Variants in SLC4A10 observed in about 807,000 individuals in gnomAD.
The protein encoded by SLC4A10 is sodium-driven chloride bicarbonate exchanger.
SLC4A10 carries 42 observed loss-of-function variants against 137.7 expected under a neutral mutation model. The ratio of observed to expected loss-of-function variants is 0.30; its 90% confidence interval spans 0.24 to 0.39. SLC4A10 has a LOEUF of 0.39. SLC4A10 is among the 10% of genes least tolerant of loss of function. The pLI is 1.00. For synonymous variants in SLC4A10, 474 were observed against 464.1 expected (o/e 1.02, Z -0.27); for missense variants, 925 against 1,355.0 (o/e 0.68, Z 4.98).
intron 6 of SLC4A10, among the ~76,000 whole-genome samples, chr2:161,863,788 A>G (rs1395037873): frequency 1.3e-5 from 2 of 152,340 alleles, no homozygotes; most frequent in East Asian, 3.9e-4. Flanking sequence ...CATCATTTGC[A>G]ATAAGGAAGT....
At chr2:161,919,544 T>C (rs186130595) in intron 15 of SLC4A10, among the ~76,000 whole-genome samples, 2 of 152,214 alleles carry the variant, frequency 1.3e-5, no homozygotes, top group East Asian at 3.9e-4. Context: ...GCAGCTACCC[T>C]CACTGGTCTC....
intron 15 of SLC4A10, among the ~76,000 whole-genome samples, chr2:161,916,417 G>A (rs1575625044): frequency 6.6e-6 from 1 of 152,240 alleles, no homozygotes; most frequent in South Asian, 2.1e-4. Flanking sequence ...CTCTTGTCTA[G>A]ATTATTGCAA....
chr2:161,624,433 A>G lies in SLC4A10; in HGVS notation c.-86A>G. ...CCTGCTTCAGAGCTACCTGATCCGA[A>G]TACTAAGCAGAGCGAGTGCCGGGCT... On this transcript the variant is annotated 5_prime_UTR_variant, in exon 1 of 27. Coordinates refer to ENST00000446997, the MANE Select transcript of SLC4A10 (RefSeq NM_001178015.2). 3 of 1,546,962 alleles carry G rather than the reference A, an allele frequency of 1.9e-6. No homozygotes were observed. The highest frequency in any genetic ancestry group is 2.6e-6 in the Non-Finnish European group (3 of 1,144,094).
intron 4 of SLC4A10, among the ~76,000 whole-genome samples, chr2:161,844,479 C>T (rs2059374982): frequency 6.6e-6 from 1 of 152,076 alleles, no homozygotes; most frequent in South Asian, 2.1e-4. Context: ...CCATGTCCCC[C>T]AACTATCCTA....
In SLC4A10 at chr2:161,882,382, C is replaced by T. The variant is rs780200992; in HGVS notation, c.1132C>T (p.Leu378=). The T allele has an allele frequency of 8.2e-6, 13 of 1,589,354 alleles. No individual in the cohort carries two copies. Among genetic ancestry groups the T allele is most frequent in the Non-Finnish European group, 1.1e-5 (13 of 1,167,478 alleles). Residue 378 remains leucine, a synonymous_variant, in exon 10 of 27, where the codon CTG becomes TTG. Coordinates refer to ENST00000446997, the MANE Select transcript of SLC4A10 (RefSeq NM_001178015.2). ...TRFLFILLGP[L]GKGQQYHEIG... is the part of the protein sequence containing the mutation. ...ATTTTTGTTCATTCTTCTGGGACCCCTGGGAAAGGGTCAACAGTACCATGA... is the reference window on the plus strand; with the variant it reads ...ATTTTTGTTCATTCTTCTGGGACCCTTGGGAAAGGGTCAACAGTACCATGA...
chr2:161,976,629 T>C, intron 24 of SLC4A10, 131 bp from the exon 25 acceptor site: 1 of 499,864 alleles, frequency 2.0e-6, no homozygotes, highest in South Asian at 4.5e-5. Flanking sequence ...ATGTGTATTT[T>C]ACCACAATTT....
intron 1 of SLC4A10, among the ~76,000 whole-genome samples, chr2:161,703,093 C>G (rs1352916152): frequency 6.6e-5 from 10 of 151,468 alleles, no homozygotes; most frequent in African/African-American, 2.4e-4. Context: ...TAGATATAAC[C>G]CTTCTGGAGG....
At position 161,697,898 on chromosome 2, in the gene SLC4A10, C is replaced by T. The variant is rs530377188; in HGVS notation, c.49-73075C>T. On this transcript the variant is annotated intron_variant, in intron 1 of 26. Coordinates refer to ENST00000446997, the MANE Select transcript of SLC4A10 (RefSeq NM_001178015.2). ...ATTAAATCTATAAATTACCTTGGGC[C>T]GTATGGCCGTTTTCACAATATTGAT... 7.9e-5 allele frequency among the ~76,000 whole-genome samples: 12 copies of T among 152,244 alleles called. No homozygotes were observed. In the South Asian group the frequency reaches 1.2e-3, roughly 16 times the overall value.
chr2:161,891,814 T>C (rs976079310), intron 10 of SLC4A10, among the ~76,000 whole-genome samples: 1 of 152,058 alleles, frequency 6.6e-6, no homozygotes, highest in South Asian at 2.1e-4. Flanking sequence ...GTCAAACTCA[T>C]TCTCCATCCA....
At chr2:161,794,554 A>G (rs998985149) in intron 2 of SLC4A10, among the ~76,000 whole-genome samples, 2 of 152,128 alleles carry the variant, frequency 1.3e-5, no homozygotes, top group Admixed American at 6.5e-5. Flanking sequence ...GACACACTGA[A>G]GAAGATGGAT....
intron 3 of SLC4A10, among the ~76,000 whole-genome samples, chr2:161,833,873 C>T (rs928990077): frequency 6.6e-5 from 10 of 152,212 alleles, no homozygotes; most frequent in Non-Finnish European, 1.3e-4. Context: ...GTTTCCAACT[C>T]TGCCTCTCTC....
At chr2:161,730,014 A>G (rs1480168402) in intron 1 of SLC4A10, among the ~76,000 whole-genome samples, 1 of 152,214 alleles carries the variant, frequency 6.6e-6, no homozygotes, top group Non-Finnish European at 1.5e-5. Context: ...TGCAAACCCA[A>G]ACAGGCTAAA....
chr2:161,646,861 G>T (rs1406328117), intron 1 of SLC4A10, among the ~76,000 whole-genome samples: 2 of 151,956 alleles, frequency 1.3e-5, no homozygotes, highest in Non-Finnish European at 2.9e-5. Flanking sequence ...TTTCACATTT[G>T]TTGAAATCCT....
At chr2:161,800,883 G>A (rs966705262) in intron 2 of SLC4A10, among the ~76,000 whole-genome samples, 1 of 152,030 alleles carries the variant, frequency 6.6e-6, no homozygotes, top group African/African-American at 2.4e-5. Context: ...ACCAGAGGTC[G>A]CAGGAACAAG....
chr2:161,967,785 C>G (rs1311517566), intron 23 of SLC4A10, among the ~76,000 whole-genome samples: 1 of 152,026 alleles, frequency 6.6e-6, no homozygotes, highest in African/African-American at 2.4e-5. Flanking sequence ...GAATTTAACT[C>G]TTGTTTATAT....
At chr2:161,956,776 A>G (rs1695742712) in intron 19 of SLC4A10, among the ~76,000 whole-genome samples, 1 of 152,238 alleles carries the variant, frequency 6.6e-6, no homozygotes, top group African/African-American at 2.4e-5. Flanking sequence ...AGGGGAGCTT[A>G]GGCTCCATGA....
chr2:161,756,545 C>G (rs1034064786), intron 1 of SLC4A10, among the ~76,000 whole-genome samples: 1 of 152,190 alleles, frequency 6.6e-6, no homozygotes, highest in Non-Finnish European at 1.5e-5. Flanking sequence ...CTGTTCCACA[C>G]AGTCACTCAG....
intron 1 of SLC4A10, among the ~76,000 whole-genome samples, chr2:161,654,395 G>A (rs946574086): frequency 6.6e-6 from 1 of 152,002 alleles, no homozygotes; most frequent in Admixed American, 6.6e-5. Flanking sequence ...TGTTGTAGTT[G>A]CATTTGTATA....
chr2:161,869,575 C>A (rs767996656), intron 6 of SLC4A10, among the ~76,000 whole-genome samples: 22 of 151,276 alleles, frequency 1.5e-4, no homozygotes, highest in Non-Finnish European at 7.4e-5. Flanking sequence ...CAAAATAACC[C>A]AAATCAAACT....
Sources: allele counts gnomAD v4.1 joint callset (sites outside exome capture counted in the v4.1 genomes callset), GRCh38; gene constraint gnomAD v4.1.1; transcripts MANE v1.5; gene names NCBI Gene and HGNC (gene_info 2026-07-23, HGNC 2026-07-21).